The following CLVS1 variants were observed in gnomAD, a reference collection of about 807,000 sequenced individuals.
CLVS1 encodes clavesin 1, also known as clavesin-1.
CLVS1 carries 10 observed loss-of-function variants against 33.1 expected under a neutral mutation model. The ratio of observed to expected loss-of-function variants is 0.30; its 90% CI spans 0.19 to 0.51. The LOEUF (loss-of-function observed/expected upper bound fraction) is 0.51. Among genes scored for constraint, CLVS1 ranks in the 20% least tolerant of loss-of-function variants. The pLI, the probability that CLVS1 is intolerant of heterozygous loss-of-function variation, is 0.97. For synonymous variants in CLVS1, 163 were observed against 166.1 expected, an observed-to-expected ratio of 0.98 and a Z score of 0.14; for missense variants, 343 against 433.4, an observed-to-expected ratio of 0.79 and a Z score of 1.85.
chr8:61,368,262 T>C (rs1813295679), intron 2 of CLVS1, among the ~76,000 whole-genome samples: 2 of 152,158 alleles, frequency 1.3e-5, no homozygotes, highest in South Asian at 2.1e-4. Flanking sequence ...TCCAGGCAGA[T>C]TGGAATTTAA....
chr8:61,181,697 C>CTTTTTTTTTTTTTTTTTT (rs369025438), intron 2 of CLVS1, among the ~76,000 whole-genome samples: 3 of 103,202 alleles, frequency 2.9e-5, no homozygotes, highest in Non-Finnish European at 5.6e-5. Context: ...ACCATCTGAT[C>CTTTTTTTTTTTTTTTTTT]TTTTTTTTTT....
chr8:61,205,267 T>C (rs183556999), intron 2 of CLVS1, among the ~76,000 whole-genome samples: 3 of 152,264 alleles, frequency 2.0e-5, no homozygotes, highest in Admixed American at 6.5e-5. Flanking sequence ...TCTTTCCAAA[T>C]TGACATTCTG....
At chr8:61,317,819 T>C (rs1811063782) in intron 2 of CLVS1, among the ~76,000 whole-genome samples, 1 of 152,056 alleles carries the variant, frequency 6.6e-6, no homozygotes, top group Non-Finnish European at 1.5e-5. Context: ...AACTCTCCTA[T>C]CTTTAAAAAT....
intron 1 of CLVS1, among the ~76,000 whole-genome samples, chr8:61,092,652 T>C (rs928991922): frequency 5.3e-5 from 8 of 152,206 alleles, no homozygotes; most frequent in African/African-American, 1.9e-4. Flanking sequence ...ATTCACAGGT[T>C]AAATGTGCTT....
intron 2 of CLVS1, among the ~76,000 whole-genome samples, chr8:61,203,877 A>G (rs536182179): frequency 6.6e-6 from 1 of 152,348 alleles, no homozygotes; most frequent in Non-Finnish European, 1.5e-5. Flanking sequence ...TGTAAATGCA[A>G]TGTGAATGAT....
intron 1 of CLVS1, among the ~76,000 whole-genome samples, chr8:61,091,396 G>T (rs1805246578): frequency 6.6e-6 from 1 of 152,212 alleles, no homozygotes; most frequent in Admixed American, 6.5e-5. Context: ...AAAACACTAA[G>T]TTTGTGGGAA....
In CLVS1 at chr8:61,344,894, GA is replaced by G. The variant is rs752960582; in HGVS notation, c.456-31699del. On this transcript the variant is annotated intron_variant, in intron 2 of 5. Transcript: ENST00000325897. ...AAGCATACTATTTGGGGACTGGCCA[GA>G]AAAAAAAAAAAGGTGTAATTCCAAA... Among the ~76,000 whole-genome samples the G allele has an allele frequency of 4.9e-3, 664 of 135,004 alleles. 3 individuals carry two copies. The highest frequency in any genetic ancestry group is 8.8e-3 in the African/African-American group (322 of 36,790). The allele number at this position is 135,004 out of a possible 152,430, so 88.6% of individuals were successfully genotyped here. A position where few individuals can be genotyped will look rare whatever the true frequency, so the allele number is the denominator to read the frequency against.
the CLVS1 span, among the ~76,000 whole-genome samples, chr8:61,042,759 A>G: frequency 0.2 from 29,725 of 152,158 alleles, 3,950 homozygotes; most frequent in African/African-American, 0.38. Context: ...GGAAGGGAAC[A>G]AGAATGAAGA....
At chr8:61,144,714 A>G (rs757920813) in intron 2 of CLVS1, among the ~76,000 whole-genome samples, 5 of 152,216 alleles carry the variant, frequency 3.3e-5, no homozygotes, top group Non-Finnish European at 2.9e-5. Context: ...CCTGTTCAGC[A>G]TCTGTTGTTT....
At chr8:61,087,096 G>C (rs71525437) in intron 1 of CLVS1, among the ~76,000 whole-genome samples, 10,509 of 152,262 alleles carry the variant, frequency 0.069, 505 homozygotes, top group South Asian at 0.22. Context: ...CTCCAGCTCC[G>C]AAATCAAGAA....
At chr8:61,005,736 A>G in the CLVS1 span, among the ~76,000 whole-genome samples, 1 of 152,170 alleles carries the variant, frequency 6.6e-6, no homozygotes, top group Non-Finnish European at 1.5e-5. Context: ...TTAAAATAAA[A>G]CTTCCCAGAT....
chr8:61,399,802 C>T (rs1025517432), intron 3 of CLVS1, among the ~76,000 whole-genome samples: 1 of 152,136 alleles, frequency 6.6e-6, no homozygotes, highest in African/African-American at 2.4e-5. Flanking sequence ...ATCCTTTCCC[C>T]ATTGCTTGTC....
rs191957091 is a variant in CLVS1, at chr8:61,441,772, T to C, written c.631-12369T>C. On this transcript the variant is annotated intron_variant, in intron 3 of 5. Transcript: ENST00000325897. ...AACACAAAACAAGGCAGTTGAGTGATGCTTGTATAGTGCCAGTGTGAAAAT... is the reference window on the plus strand; with the variant it reads ...AACACAAAACAAGGCAGTTGAGTGACGCTTGTATAGTGCCAGTGTGAAAAT... Among the ~76,000 whole-genome samples, 79 of 152,278 alleles carry C rather than the reference T, an allele frequency of 5.2e-4. 1 individual carries two copies. Among genetic ancestry groups the C allele is most frequent in the Non-Finnish European group, 1.0e-3 (69 of 68,010 alleles).
At chr8:61,011,339 C>G in the CLVS1 span, among the ~76,000 whole-genome samples, 1 of 152,196 alleles carries the variant, frequency 6.6e-6, no homozygotes, top group Admixed American at 6.5e-5. Context: ...CCTCTCTTCT[C>G]TAATTTAGAA....
the CLVS1 span, among the ~76,000 whole-genome samples, chr8:61,032,498 G>A: frequency 1.3e-5 from 2 of 152,164 alleles, no homozygotes; most frequent in African/African-American, 2.4e-5. Flanking sequence ...AAGCAGCCCA[G>A]CCCTAAAATG....
At chr8:61,439,203 A>G (rs1253259348) in intron 3 of CLVS1, among the ~76,000 whole-genome samples, 1 of 152,216 alleles carries the variant, frequency 6.6e-6, no homozygotes, top group Non-Finnish European at 1.5e-5. Flanking sequence ...TTCCTCTGCA[A>G]ATCAGCGATT....
the CLVS1 span, among the ~76,000 whole-genome samples, chr8:61,010,887 G>A: frequency 6.6e-6 from 1 of 152,226 alleles, no homozygotes; most frequent in Non-Finnish European, 1.5e-5. Flanking sequence ...TATGTGAGAA[G>A]CAGCGCAGCG....
At chr8:61,047,449 A>G in the CLVS1 span, among the ~76,000 whole-genome samples, 11 of 152,350 alleles carry the variant, frequency 7.2e-5, no homozygotes, top group Admixed American at 7.2e-4. Flanking sequence ...CAGCCATCCC[A>G]TTACTGGGTA....
chr8:61,355,689 T>A (rs1812671005), intron 2 of CLVS1, among the ~76,000 whole-genome samples: 1 of 152,158 alleles, frequency 6.6e-6, no homozygotes, highest in African/African-American at 2.4e-5. Context: ...TTGTGATAGT[T>A]TACTGAGAAT....
Sources: gnomAD v4.1 joint callset for allele counts (sites outside exome capture counted in the v4.1 genomes callset) on GRCh38, gnomAD v4.1.1 for gene constraint, MANE v1.5 for transcripts, NCBI Gene and HGNC (gene_info 2026-07-23, HGNC 2026-07-21) for gene names.